NTM: variants seen among roughly 807,000 people sequenced by gnomAD.
NTM encodes the protein IgLON family member 2.
Under a neutral mutation model 42.1 loss-of-function variants are expected in NTM, and 13 were observed. That is an observed-to-expected ratio of 0.31 (90% CI 0.20 to 0.49). The LOEUF is 0.49. Among genes scored for constraint, NTM ranks in the 20% least tolerant of loss-of-function variants. NTM has a pLI of 0.99. For synonymous variants in NTM, 187 were observed against 179.2 expected, an observed-to-expected ratio of 1.04 and a Z score of -0.35; for missense variants, 373 against 452.8, an observed-to-expected ratio of 0.82 and a Z score of 1.60.
rs550848725 is a variant in NTM at position 131,467,025 on chromosome 11, A to G, written c.82+96137A>G. On this transcript the variant is annotated intron_variant, in intron 1 of 8. Coordinates refer to ENST00000683400, the MANE Select transcript of NTM (RefSeq NM_001352005.2). ...TGCAAACACACCATACAGGCTCCCA[A>G]TCCAATCCTTAGTTTTCTGGCGTAC... Among the ~76,000 whole-genome samples the G allele has an allele frequency of 3.3e-5, 5 of 152,328 alleles. No individual in the cohort carries two copies. In the East Asian group the frequency reaches 9.7e-4, roughly 29 times the overall value.
chr11:131,510,342 A>G lies in NTM; in HGVS notation c.82+139454A>G, dbSNP rs951282127. Among the ~76,000 whole-genome samples the G allele has an allele frequency of 5.9e-5, 9 of 152,316 alleles. 1 individual carries two copies. In the East Asian group the frequency reaches 1.7e-3, roughly 29 times the overall value. On this transcript the variant is annotated intron_variant, in intron 1 of 8. Coordinates refer to ENST00000683400, the MANE Select transcript of NTM (RefSeq NM_001352005.2). ...AGCCCAGAGCAGCAGGGAATCTGCCAGGTGAAAGCAAAACCTGCTCCAAGC... is the reference window on the plus strand; with the variant it reads ...AGCCCAGAGCAGCAGGGAATCTGCCGGGTGAAAGCAAAACCTGCTCCAAGC...
intron 1 of NTM, among the ~76,000 whole-genome samples, chr11:131,523,663 T>A (rs918143386): frequency 5.9e-5 from 9 of 151,336 alleles, no homozygotes; most frequent in African/African-American, 2.2e-4. Context: ...GTGGCACATG[T>A]CTGTAATACC....
At chr11:132,155,506 A>C (rs2072978163) in intron 3 of NTM, among the ~76,000 whole-genome samples, 2 of 152,294 alleles carry the variant, frequency 1.3e-5, no homozygotes, top group South Asian at 2.1e-4. Flanking sequence ...TCTGGGTCGC[A>C]TCCCGTTTCT....
chr11:131,645,160 T>C (rs908988526), intron 1 of NTM, among the ~76,000 whole-genome samples: 1 of 152,232 alleles, frequency 6.6e-6, no homozygotes, highest in African/African-American at 2.4e-5. Context: ...TTATTAACCA[T>C]TTCATAGCTG....
intron 2 of NTM, among the ~76,000 whole-genome samples, chr11:132,076,912 T>C (rs942042567): frequency 2.6e-5 from 4 of 152,232 alleles, no homozygotes; most frequent in Non-Finnish European, 4.4e-5. Flanking sequence ...TCTCATGTTT[T>C]CTTTGAAGTC....
At chr11:132,036,292 T>C (rs1321251464) in intron 2 of NTM, among the ~76,000 whole-genome samples, 1 of 152,152 alleles carries the variant, frequency 6.6e-6, no homozygotes, top group African/African-American at 2.4e-5. Flanking sequence ...TCCCCTAGGC[T>C]CCAAGTTCAC....
intron 1 of NTM, among the ~76,000 whole-genome samples, chr11:131,509,996 G>T (rs371092772): frequency 1.2e-4 from 18 of 152,006 alleles, no homozygotes; most frequent in East Asian, 7.7e-4. Context: ...GTGATCTCGG[G>T]GGTGGGCCAG....
chr11:131,826,183 G>A (rs2042103797), intron 1 of NTM, among the ~76,000 whole-genome samples: 1 of 152,110 alleles, frequency 6.6e-6, no homozygotes, highest in Admixed American at 6.6e-5. Flanking sequence ...AGTTCAAAAA[G>A]GGGCATGATC....
chr11:131,658,927 G>A (rs572159396), intron 1 of NTM, among the ~76,000 whole-genome samples: 74 of 152,222 alleles, frequency 4.9e-4, no homozygotes, highest in African/African-American at 9.6e-4. Context: ...AGCTGATATC[G>A]CGCCACTGCT....
At chr11:132,220,691 C>T (rs983623112) in intron 4 of NTM, among the ~76,000 whole-genome samples, 10 of 152,178 alleles carry the variant, frequency 6.6e-5, no homozygotes, top group African/African-American at 2.4e-4. Flanking sequence ...ACATTGCTAA[C>T]AGCATCCTCC....
Position 132,336,097 on chromosome 11 carries a change from T to G in NTM, c.*951T>G, listed in dbSNP as rs1276425006. 1 of 152,626 alleles carries G rather than the reference T, an allele frequency of 6.6e-6. No individual in the cohort carries two copies. Among genetic ancestry groups the G allele is most frequent in the Non-Finnish European group, 1.5e-5 (1 of 68,048 alleles). 9.5% of individuals were successfully genotyped at this position (152,626 alleles called of 1,614,324 possible). ...CAATACTATGCTCTCTACACACTGT[T>G]TAGAAATGGAAAGGTGATCTGCACT... On this transcript the variant is annotated 3_prime_UTR_variant, in exon 9 of 9. Transcript: ENST00000683400.
chr11:131,787,019 A>C (rs1345973633), intron 1 of NTM, among the ~76,000 whole-genome samples: 2 of 152,210 alleles, frequency 1.3e-5, no homozygotes, highest in African/African-American at 4.8e-5. Context: ...GTATTACTAA[A>C]TCTTCACTTG....
chr11:131,709,137 G>A (rs1011296212), intron 1 of NTM, among the ~76,000 whole-genome samples: 2 of 152,186 alleles, frequency 1.3e-5, no homozygotes, highest in African/African-American at 4.8e-5. Flanking sequence ...GGCTGGTACA[G>A]AGTGAGCGGC....
chr11:131,981,058 C>T (rs566602523), intron 2 of NTM: 1 of 152,264 alleles, frequency 6.6e-6, no homozygotes. Context: ...TATAACCTCA[C>T]TACTCCCTAT....
intron 1 of NTM, among the ~76,000 whole-genome samples, chr11:131,695,359 A>G (rs2075318978): frequency 6.6e-6 from 1 of 152,188 alleles, no homozygotes; most frequent in Admixed American, 6.5e-5. Flanking sequence ...GGGCTAGCTC[A>G]GAAAGGTTTC....
rs565478131 is a variant in NTM at position 131,775,238 on chromosome 11, A to G, written c.83-136326A>G. On this transcript the variant is annotated intron_variant, in intron 1 of 8. Transcript: ENST00000683400. The stretch of plus-strand genomic sequence containing the variant: ...CCACAAATGTTAGATTTGGAGCATT[A>G]CAACTCATCTGTGCTTGGTGCCTTT... 6.1e-4 allele frequency among the ~76,000 whole-genome samples: 93 copies of G among 152,376 alleles called. 4 individuals carry two copies. The South Asian group carries it at 0.019, about 31-fold the overall frequency.
At chr11:131,874,511 TTGAC>T (rs1363025666) in intron 1 of NTM, among the ~76,000 whole-genome samples, 2 of 152,224 alleles carry the variant, frequency 1.3e-5, no homozygotes, top group African/African-American at 4.8e-5. Context: ...TATATTTCAA[TTGAC>T]TAAGTTTCTT....
intron 1 of NTM, chr11:131,540,386 C>G (rs1223956264): frequency 1.3e-5 from 2 of 152,020 alleles, no homozygotes; most frequent in Admixed American, 6.6e-5. Context: ...AGGCTGGTCT[C>G]AAACTCCTGA....
intron 1 of NTM, among the ~76,000 whole-genome samples, chr11:131,729,972 G>T (rs1280528563): frequency 6.6e-6 from 1 of 152,090 alleles, no homozygotes; most frequent in Admixed American, 6.6e-5. Flanking sequence ...GAGTAAAATT[G>T]CTAGGTCAGA....
Sources: allele counts gnomAD v4.1 joint callset (sites outside exome capture counted in the v4.1 genomes callset), GRCh38; gene constraint gnomAD v4.1.1; transcripts MANE v1.5; gene names NCBI Gene and HGNC (gene_info 2026-07-23, HGNC 2026-07-21).